Variants in ZRANB3 observed in about 807,000 individuals in gnomAD.
The protein encoded by ZRANB3 is DNA annealing helicase and endonuclease ZRANB3.
A neutral mutation model predicts 133.8 loss-of-function variants in ZRANB3; 125 were observed. The ratio of observed to expected loss-of-function variants is 0.93; its 90% CI spans 0.81 to 1.08. ZRANB3 has a LOEUF of 1.08. Ranked by LOEUF, ZRANB3 falls within the 50% of genes least tolerant of loss-of-function variation. The pLI is 0.00. For missense variants in ZRANB3, 1,229 were observed against 1,275.5 expected, an observed-to-expected ratio of 0.96 and a Z score of 0.56; for synonymous variants, 387 against 432.7, an observed-to-expected ratio of 0.89 and a Z score of 1.31.
rs1373827585 is a variant in ZRANB3 at position 135,235,700 on chromosome 2, C to T, written c.1540-4773G>A. Among the ~76,000 whole-genome samples, 433 of 150,550 alleles carry T rather than the reference C, an allele frequency of 2.9e-3. 2 individuals are homozygous for T. Among genetic ancestry groups the T allele is most frequent in the African/African-American group, 9.8e-3 (401 of 40,872 alleles). On this transcript the variant is annotated intron_variant, in intron 12 of 20. Coordinates refer to ENST00000264159, the MANE Select transcript of ZRANB3 (RefSeq NM_032143.4). ...AAAGACAAAAACCACATGATTATCT[C>T]AATAGATGCAGAAAAGGCCTTTGAC...
rs1045241400 is a variant in ZRANB3, at chr2:135,441,347, A to C, written c.162-50527T>G. Among the ~76,000 whole-genome samples the C allele has an allele frequency of 2.0e-5, 3 of 152,132 alleles. No homozygotes were observed. In the East Asian group the frequency reaches 5.8e-4, roughly 29 times the overall value. ...GACATTCATGGTGTAGAAAGAAAAA[A>C]TACTGCCAACCAAGACTCCCACATC... On this transcript the variant is annotated intron_variant, in intron 2 of 20. Transcript: ENST00000264159.
At chr2:135,298,168 CA>C (rs1682242784) in intron 8 of ZRANB3, among the ~76,000 whole-genome samples, 1 of 152,124 alleles carries the variant, frequency 6.6e-6, no homozygotes, top group Non-Finnish European at 1.5e-5. Context: ...GCAGAGGGTG[CA>C]GTGAGCCAAG....
chr2:135,491,477 T>C (rs1692372467), intron 2 of ZRANB3, among the ~76,000 whole-genome samples: 1 of 152,112 alleles, frequency 6.6e-6, no homozygotes, highest in African/African-American at 2.4e-5. Flanking sequence ...CCCGAGTAGC[T>C]GGGATTACAG....
intron 12 of ZRANB3, among the ~76,000 whole-genome samples, chr2:135,239,899 G>C (rs996947295): frequency 1.3e-5 from 2 of 151,520 alleles, no homozygotes; most frequent in Admixed American, 6.6e-5. Flanking sequence ...CAGAAGAACC[G>C]CTCAAACCTG....
intron 2 of ZRANB3, among the ~76,000 whole-genome samples, chr2:135,480,668 G>A (rs1025009869): frequency 2.0e-5 from 3 of 150,882 alleles, no homozygotes; most frequent in African/African-American, 4.9e-5. Flanking sequence ...CATTGTGCAG[G>A]TTAGTTACAT....
intron 12 of ZRANB3, among the ~76,000 whole-genome samples, chr2:135,238,089 A>T (rs776355724): frequency 5.9e-5 from 9 of 152,210 alleles, no homozygotes; most frequent in Non-Finnish European, 1.2e-4. Flanking sequence ...CAATGTGTGA[A>T]TCTCAGTTTC....
chr2:135,343,010 C>CAAAAAA (rs11435525), intron 6 of ZRANB3, among the ~76,000 whole-genome samples: 7 of 55,232 alleles, frequency 1.3e-4, no homozygotes, highest in African/African-American at 2.6e-4. Context: ...ACTAAAAATC[C>CAAAAAA]AAAAAAAAAA....
chr2:135,376,459 C>T (rs767622666), intron 3 of ZRANB3, among the ~76,000 whole-genome samples: 33 of 151,870 alleles, frequency 2.2e-4, no homozygotes, highest in East Asian at 9.6e-4. Context: ...TCTTTGTGAA[C>T]GAAAAAACGA....
rs1454665129 is a variant in ZRANB3, at chr2:135,417,198, T to C, written c.162-26378A>G. The stretch of plus-strand genomic sequence containing the variant: ...AACCTACAGAATGGGAGGAAATTTT[T>C]GCAATCTATTCATCTGACAAAGGGC... On this transcript the variant is annotated intron_variant, in intron 2 of 20. Coordinates refer to ENST00000264159, the MANE Select transcript of ZRANB3 (RefSeq NM_032143.4). 2.0e-5 allele frequency among the ~76,000 whole-genome samples: 3 copies of C among 152,304 alleles called. No individual in the cohort carries two copies. In the East Asian group the frequency reaches 5.8e-4, roughly 29 times the overall value.
chr2:135,324,109 C>T (rs1010174946), intron 6 of ZRANB3, among the ~76,000 whole-genome samples: 24 of 151,814 alleles, frequency 1.6e-4, no homozygotes, highest in Admixed American at 1.4e-3. Context: ...ACTTTAAGTT[C>T]TAGGGTACAT....
At chr2:135,346,025 T>C (rs1684905659) in intron 5 of ZRANB3, among the ~76,000 whole-genome samples, 1 of 152,238 alleles carries the variant, frequency 6.6e-6, no homozygotes, top group African/African-American at 2.4e-5. Flanking sequence ...CCCATTATGA[T>C]GTAGATGTAC....
chr2:135,261,062 TAG>T (rs928947998), intron 12 of ZRANB3, among the ~76,000 whole-genome samples: 1 of 150,828 alleles, frequency 6.6e-6, no homozygotes, highest in Non-Finnish European at 1.5e-5. Context: ...ACCATCCAAT[TAG>T]AACTGATAAA....
chr2:135,219,161 G>A lies in ZRANB3; in HGVS notation c.2268C>T (p.Ser756=). The change falls in exon 16 of 21, where the codon AGC becomes AGT. Residue 756 remains serine, a synonymous_variant. Transcript: ENST00000264159. The part of the protein sequence containing the change: ...HIYTKDGKQM[S]CNFIPLDIKL... ...TTATATCCAGAGGAATGAAATTACA[G>A]CTCATCTGTTTTCCATCCTGATGAT... The A allele has an allele frequency of 6.5e-7, 1 of 1,529,364 alleles. No homozygotes were observed. Among genetic ancestry groups the A allele is most frequent in the South Asian group, 1.3e-5 (1 of 76,894 alleles). The allele number at this position is 1,529,364 out of a possible 1,614,324, so 94.7% of individuals were successfully genotyped here. A position where few individuals can be genotyped will look rare whatever the true frequency, so the allele number is the denominator to read the frequency against.
At chr2:135,245,094 A>C (rs1343153567) in intron 12 of ZRANB3, among the ~76,000 whole-genome samples, 3 of 152,260 alleles carry the variant, frequency 2.0e-5, no homozygotes, top group African/African-American at 7.2e-5. Context: ...AGGAGAGAGC[A>C]AGATTAGCAA....
intron 3 of ZRANB3, among the ~76,000 whole-genome samples, chr2:135,386,840 C>T (rs374975043): frequency 3.3e-5 from 5 of 151,702 alleles, no homozygotes; most frequent in African/African-American, 1.2e-4. Flanking sequence ...GGGGGCCTTT[C>T]GGGGGTGGGG....
At chr2:135,305,842 T>A (rs575777371) in intron 8 of ZRANB3, among the ~76,000 whole-genome samples, 1 of 152,326 alleles carries the variant, frequency 6.6e-6, no homozygotes, top group South Asian at 2.1e-4. Context: ...AAGGATAGCT[T>A]TGTTGGGTAT....
rs186750410 is a variant in ZRANB3, at chr2:135,403,310, C to T, written c.162-12490G>A. Among the ~76,000 whole-genome samples, 17 of 152,328 alleles carry T rather than the reference C, an allele frequency of 1.1e-4. 1 individual carries two copies. The East Asian group carries it at 2.7e-3, about 24-fold the overall frequency. ...AATGGCACACCAGGAGATTATATCC[C>T]GCACCTGGCTCGGAGGGTCCTCCGC... is the stretch of plus-strand genomic sequence containing the variant. On this transcript the variant is annotated intron_variant, in intron 2 of 20. Coordinates refer to ENST00000264159, the MANE Select transcript of ZRANB3 (RefSeq NM_032143.4).
chr2:135,450,272 A>T (rs1424977642), intron 2 of ZRANB3, among the ~76,000 whole-genome samples: 1 of 151,100 alleles, frequency 6.6e-6, no homozygotes, highest in Non-Finnish European at 1.5e-5. Flanking sequence ...CAAAAAAAAT[A>T]AACAAATAAA....
At chr2:135,385,729 A>T (rs1387187097) in intron 3 of ZRANB3, among the ~76,000 whole-genome samples, 2 of 152,172 alleles carry the variant, frequency 1.3e-5, no homozygotes, top group African/African-American at 4.8e-5. Context: ...ACAAAAACAA[A>T]AAATGGGGAA....
Sources: gnomAD v4.1 joint callset for allele counts (sites outside exome capture counted in the v4.1 genomes callset) on GRCh38, gnomAD v4.1.1 for gene constraint, MANE v1.5 for transcripts, NCBI Gene and HGNC (gene_info 2026-07-23, HGNC 2026-07-21) for gene names.